The following IGSF10 variants were observed in gnomAD, a reference collection of about 807,000 sequenced individuals.
The protein encoded by IGSF10 is calvaria mechanical force protein 608.
IGSF10 carries 126 observed loss-of-function variants against 128.2 expected under a neutral mutation model. The ratio of observed to expected loss-of-function variants is 0.98; its 90% CI spans 0.85 to 1.14. The LOEUF is 1.14. Ranked by LOEUF, IGSF10 falls within the 50% of genes most tolerant of loss-of-function variation. The probability of loss-of-function intolerance (pLI) is 0.00; values close to 1 mark genes in which losing one functional copy is unlikely to be tolerated. For synonymous variants in IGSF10, 1,185 were observed against 1,146.2 expected, an observed-to-expected ratio of 1.03 and a Z score of -0.68; for missense variants, 3,295 against 3,149.8, an observed-to-expected ratio of 1.05 and a Z score of -1.10.
the IGSF10 span, among the ~76,000 whole-genome samples, chr3:151,499,256 G>T: frequency 1.3e-5 from 2 of 152,134 alleles, no homozygotes; most frequent in East Asian, 3.9e-4. Context: ...GCCAGTGGTT[G>T]CAGATCTTTT....
chr3:151,482,157 T>A, the IGSF10 span, among the ~76,000 whole-genome samples: 5 of 152,066 alleles, frequency 3.3e-5, no homozygotes, highest in African/African-American at 4.8e-5. Context: ...CAAGATACTA[T>A]GAAAGGAACA....
Position 151,437,557 on chromosome 3 carries a change from C to G in IGSF10, c.7004G>C (p.Arg2335Thr). 1 of 1,614,206 alleles carries G rather than the reference C, an allele frequency of 6.2e-7. No homozygotes were observed. The highest frequency in any genetic ancestry group is 8.5e-7 in the Non-Finnish European group (1 of 1,180,040). The change falls in exon 8 of 8, where the codon AGA becomes ACA. Residue 2335 changes from arginine (R) to threonine (T), a missense_variant. Coordinates refer to ENST00000282466, the MANE Select transcript of IGSF10 (RefSeq NM_178822.5). The part of the protein sequence containing the change: ...VVQLEVLEML[R>T]RPTFRNPFNE... ...AAATGGATTTCTAAATGTCGGTCTT[C>G]TCAGCATTTCCAGTACTTCTAACTG...
chr3:151,581,590 A>G, the IGSF10 span, among the ~76,000 whole-genome samples: 1 of 152,184 alleles, frequency 6.6e-6, no homozygotes, highest in Non-Finnish European at 1.5e-5. Context: ...ATGGGTCCAA[A>G]GTTTGCACTT....
Position 151,437,131 on chromosome 3 carries a change from G to A in IGSF10, c.7430C>T (p.Pro2477Leu), listed in dbSNP as rs1560168589. The A allele has an allele frequency of 6.2e-7, 1 of 1,614,046 alleles. No homozygotes were observed. The highest frequency in any genetic ancestry group is 8.5e-7 in the Non-Finnish European group (1 of 1,179,996). Residue 2477 changes from proline (P) to leucine (L), a missense_variant, in exon 8 of 8, where the codon CCT (proline) becomes CTT (leucine). Coordinates refer to ENST00000282466, the MANE Select transcript of IGSF10 (RefSeq NM_178822.5). ...CAATATGTATTTCCCATTAATTTGAGGCCTGTCTACTACATAACCACTTGG... is the reference window on the plus strand; with the variant it reads ...CAATATGTATTTCCCATTAATTTGAAGCCTGTCTACTACATAACCACTTGG... ...TMPSGYVVDR[P>L]QINGKYILHD...
At chr3:151,599,146 G>A in the IGSF10 span, among the ~76,000 whole-genome samples, 1 of 152,164 alleles carries the variant, frequency 6.6e-6, no homozygotes, top group Non-Finnish European at 1.5e-5. Context: ...AGTGGAAAAG[G>A]AAGGGAAGGG....
Position 151,447,118 on chromosome 3 carries a change from G to C in IGSF10, c.2863C>G (p.Gln955Glu). 2.5e-6 allele frequency: 4 copies of C among 1,614,176 alleles called. No homozygotes were observed. The highest frequency in any genetic ancestry group is 3.4e-6 in the Non-Finnish European group (4 of 1,180,014). The change falls in exon 6 of 8, where the codon CAG (glutamine) becomes GAG (glutamate). Residue 955 changes from glutamine (Q) to glutamate (E), a missense_variant. Gln to Glu is a conservative substitution (Grantham distance 29). Coordinates refer to ENST00000282466, the MANE Select transcript of IGSF10 (RefSeq NM_178822.5). Reference sequence around the variant, plus strand: ...TCACTCACTTCTCTTACAGATGTCTGATGACTATTTGTGGTATTTACTGAC... The same window carrying C: ...TCACTCACTTCTCTTACAGATGTCTCATGACTATTTGTGGTATTTACTGAC... ...LESVNTTNSH[Q>E]TSVREVSEPR... is the part of the protein sequence containing the mutation.
chr3:151,457,861 G>T (rs537029787), intron 3 of IGSF10, among the ~76,000 whole-genome samples: 3 of 152,072 alleles, frequency 2.0e-5, no homozygotes, highest in Non-Finnish European at 4.4e-5. Flanking sequence ...CCGTACATTT[G>T]TCTGGTCTTT....
intron 5 of IGSF10, among the ~76,000 whole-genome samples, chr3:151,450,040 A>G (rs1390192544): frequency 6.6e-6 from 1 of 152,200 alleles, no homozygotes; most frequent in Non-Finnish European, 1.5e-5. Flanking sequence ...ACATTTTGCC[A>G]AGGCAGTGGG....
At chr3:151,432,635 GGCCATTCTGTTTCCCTGTACCTGCA>G, downstream of IGSF10, 1 of 740,020 alleles carries the variant, frequency 1.4e-6, no homozygotes. Flanking sequence ...AGTACTCTCC[GGCCATTCTGTTTCCCTGTACCTGCA>G]GCTGGTACTG....
the IGSF10 span, among the ~76,000 whole-genome samples, chr3:151,558,574 C>T: frequency 1.2e-4 from 18 of 151,544 alleles, no homozygotes; most frequent in East Asian, 3.9e-4. Context: ...AGTGCAGTGG[C>T]GTGATCTCAG....
chr3:151,437,549 T>G lies in IGSF10; in HGVS notation c.7012A>C (p.Thr2338Pro), dbSNP rs764273302. 1.9e-6 allele frequency: 3 copies of G among 1,614,222 alleles called. No homozygotes were observed. In the Admixed American group the frequency reaches 5.0e-5, roughly 27 times the overall value. ...TTTTCATTAAATGGATTTCTAAATGTCGGTCTTCTCAGCATTTCCAGTACT... is the reference window on the plus strand; with the variant it reads ...TTTTCATTAAATGGATTTCTAAATGGCGGTCTTCTCAGCATTTCCAGTACT... Reference protein sequence around the residue: ...LEVLEMLRRPTFRNPFNEKIV... With the variant: ...LEVLEMLRRPPFRNPFNEKIV... Residue 2338 changes from threonine to proline, a missense_variant, in exon 8 of 8, where the codon ACA (threonine) becomes CCA (proline). Coordinates refer to ENST00000282466, the MANE Select transcript of IGSF10 (RefSeq NM_178822.5).
the IGSF10 span, among the ~76,000 whole-genome samples, chr3:151,508,288 GT>G: frequency 1.3e-5 from 2 of 152,048 alleles, no homozygotes; most frequent in Admixed American, 1.3e-4. Context: ...AAAATGAAAG[GT>G]TTATGGAAAG....
the IGSF10 span, among the ~76,000 whole-genome samples, chr3:151,487,180 C>T: frequency 7.9e-5 from 12 of 152,124 alleles, no homozygotes; most frequent in African/African-American, 2.4e-4. Context: ...ATACAAACTA[C>T]CAAAACACAA....
the IGSF10 span, among the ~76,000 whole-genome samples, chr3:151,588,885 T>A: frequency 1.3e-5 from 2 of 152,188 alleles, no homozygotes; most frequent in South Asian, 4.1e-4. Context: ...GAATGCATAG[T>A]CAAAATAAAA....
Position 151,447,095 on chromosome 3 carries a change from A to G in IGSF10, c.2886T>C (p.Ser962=), listed in dbSNP as rs781692584. 2.5e-6 allele frequency: 4 copies of G among 1,614,116 alleles called. No homozygotes were observed. Among genetic ancestry groups the G allele is most frequent in the South Asian group, 1.1e-5 (1 of 91,080 alleles). Residue 962 remains serine (S), a synonymous_variant, in exon 6 of 8, where the codon AGT becomes AGC. Coordinates refer to ENST00000282466, the MANE Select transcript of IGSF10 (RefSeq NM_178822.5). ...NSHQTSVREV[S]EPRHNHFYSH... Reference sequence around the variant, plus strand: ...AATAGAAGTGATTGTGCCTGGGTTCACTCACTTCTCTTACAGATGTCTGAT... The same window carrying G: ...AATAGAAGTGATTGTGCCTGGGTTCGCTCACTTCTCTTACAGATGTCTGAT...
the IGSF10 span, among the ~76,000 whole-genome samples, chr3:151,580,721 C>T: frequency 2.6e-4 from 39 of 152,252 alleles, no homozygotes; most frequent in African/African-American, 6.7e-4. Context: ...TGTACACTTA[C>T]GGAGGAATTC....
upstream of IGSF10, among the ~76,000 whole-genome samples, chr3:151,463,525 T>TTTTTTTTTTTG (rs1560185417): frequency 8.3e-4 from 42 of 50,532 alleles, 8 homozygotes; most frequent in African/African-American, 2.3e-3. Context: ...ATTTTCTGGT[T>TTTTTTTTTTTG]TTTTTTTTTT....
the IGSF10 span, among the ~76,000 whole-genome samples, chr3:151,508,631 T>G: frequency 6.6e-6 from 1 of 152,186 alleles, no homozygotes; most frequent in African/African-American, 2.4e-5. Flanking sequence ...GGTCAAATAT[T>G]TTAAATCTTT....
the IGSF10 span, among the ~76,000 whole-genome samples, chr3:151,598,060 A>G: frequency 6.9e-6 from 1 of 144,252 alleles, no homozygotes; most frequent in South Asian, 2.3e-4. Context: ...TACCTGCACA[A>G]ATGAGTACTG....
Sources: allele counts gnomAD v4.1 joint callset (sites outside exome capture counted in the v4.1 genomes callset), GRCh38; gene constraint gnomAD v4.1.1; transcripts MANE v1.5; gene names NCBI Gene and HGNC (gene_info 2026-07-23, HGNC 2026-07-21).